The following BDH1 variants were observed in gnomAD, a reference collection of about 807,000 sequenced individuals.
BDH1 encodes D-beta-hydroxybutyrate dehydrogenase, mitochondrial.
A neutral mutation model predicts 33.1 loss-of-function variants in BDH1; 30 were observed. The ratio of observed to expected loss-of-function variants is 0.91; its 90% CI spans 0.68 to 1.23. The LOEUF (loss-of-function observed/expected upper bound fraction) is 1.23, where lower values mean the gene tolerates loss of function less well. Ranked by LOEUF, BDH1 falls within the 50% of genes most tolerant of loss-of-function variation. The pLI is 0.00. For missense variants in BDH1, 443 were observed against 464.4 expected (o/e 0.95, Z 0.42); for synonymous variants, 190 against 183.6 (o/e 1.03, Z -0.28).
chr3:197,533,235 C>CT (rs1553872772), intron 4 of BDH1, among the ~76,000 whole-genome samples: 1 of 152,118 alleles, frequency 6.6e-6, no homozygotes, highest in Non-Finnish European at 1.5e-5. Context: ...TTCTCGCCCC[C>CT]CACCTAGGCC....
chr3:197,514,532 C>T lies in BDH1; in HGVS notation c.410-116G>A. 1 of 1,241,114 alleles carries T rather than the reference C, an allele frequency of 8.1e-7. No homozygotes were observed. The highest frequency in any genetic ancestry group is 1.1e-6 in the Non-Finnish European group (1 of 902,200). The allele number at this position is 1,241,114 out of a possible 1,614,324, so 76.9% of individuals were successfully genotyped here. On this transcript the variant is annotated intron_variant, in intron 6 of 7. Transcript: ENST00000392379. The surrounding 1 kb of genome is among the most constrained non-coding windows in gnomAD (Gnocchi z 4.2). Reference sequence around the variant, plus strand: ...TTTCCTGTGACTTCCCAGCCTCTCGCCCAGTGCTCTCAAGAAACTTTCTAG... The same window carrying T: ...TTTCCTGTGACTTCCCAGCCTCTCGTCCAGTGCTCTCAAGAAACTTTCTAG...
chr3:197,553,135 C>T (rs1242469793), intron 2 of BDH1, among the ~76,000 whole-genome samples: 1 of 150,826 alleles, frequency 6.6e-6, no homozygotes, highest in African/African-American at 2.4e-5. Context: ...CCCGGCTGGT[C>T]TCAAACTCCT....
intron 1 of BDH1, among the ~76,000 whole-genome samples, chr3:197,566,664 G>C (rs1717444065): frequency 6.6e-6 from 1 of 152,144 alleles, no homozygotes; most frequent in South Asian, 2.1e-4. Flanking sequence ...AGTACAAACG[G>C]GAAACTGAAG....
chr3:197,513,824 A>AT (rs1712375974), intron 7 of BDH1, among the ~76,000 whole-genome samples: 1 of 152,178 alleles, frequency 6.6e-6, no homozygotes, highest in African/African-American at 2.4e-5. Flanking sequence ...GGTTTTCCAA[A>AT]TTTCTAATCT....
At position 197,539,722 on chromosome 3, in the gene BDH1, A is replaced by T. The variant is rs897207979; in HGVS notation, c.84-6161T>A. Among the ~76,000 whole-genome samples the T allele has an allele frequency of 6.6e-5, 10 of 151,980 alleles. No individual in the cohort carries two copies. The East Asian group carries it at 1.5e-3, about 23-fold the overall frequency. On this transcript the variant is annotated intron_variant, in intron 3 of 7. Transcript: ENST00000392379. Reference sequence around the variant, plus strand: ...TCATCTGCTCTTGTGGCCCCGACCCAGGAACTGACTCAGCGCAAGAAGACA... The same window carrying T: ...TCATCTGCTCTTGTGGCCCCGACCCTGGAACTGACTCAGCGCAAGAAGACA...
chr3:197,542,084 T>C (rs999869710), intron 3 of BDH1, among the ~76,000 whole-genome samples: 1 of 152,246 alleles, frequency 6.6e-6, no homozygotes, highest in Admixed American at 6.5e-5. Flanking sequence ...CGACCACAAT[T>C]GCTGAGTTTT....
chr3:197,510,915 C>G lies in BDH1; in HGVS notation c.*980G>C, dbSNP rs1378772933. The G allele has an allele frequency of 6.6e-6, 1 of 152,190 alleles. No individual in the cohort carries two copies. The highest frequency in any genetic ancestry group is 1.5e-5 in the Non-Finnish European group (1 of 68,108). 9.4% of individuals were successfully genotyped at this position (152,190 alleles called of 1,614,324 possible). A position where few individuals can be genotyped will look rare whatever the true frequency, so the allele number is the denominator to read the frequency against. On this transcript the variant is annotated 3_prime_UTR_variant, in exon 8 of 8. Transcript: ENST00000392379. The stretch of plus-strand genomic sequence containing the variant: ...AGCCAGAGAGCACCTCCACACAAGT[C>G]TATCCTGAGTCCTAAAAGAGGATGG...
Position 197,522,887 on chromosome 3 carries a change from C to T in BDH1, c.268-106G>A, listed in dbSNP as rs143445395. The T allele has an allele frequency of 6.9e-4, 967 of 1,401,312 alleles. 7 individuals are homozygous for T. The African/African-American group carries it at 0.013, about 18-fold the overall frequency. 86.8% of individuals were successfully genotyped at this position (1,401,312 alleles called of 1,614,324 possible). A position where few individuals can be genotyped will look rare whatever the true frequency, so the allele number is the denominator to read the frequency against. On this transcript the variant is annotated intron_variant, in intron 5 of 7. Coordinates refer to ENST00000392379, the MANE Select transcript of BDH1 (RefSeq NM_203314.3). The surrounding 1 kb of genome is among the most constrained non-coding windows in gnomAD (Gnocchi z 4.8). ...GCTGGCCTCAAGTCCCAGCCAAAGC[C>T]TCAGGCATACTGGCAACTGCCCATG...
intron 2 of BDH1, among the ~76,000 whole-genome samples, chr3:197,547,483 T>C (rs1377934373): frequency 3.9e-5 from 6 of 152,246 alleles, no homozygotes; most frequent in Non-Finnish European, 7.3e-5. Context: ...ACCACTGCCA[T>C]GCACTCTGCT....
At position 197,554,947 on chromosome 3, in the gene BDH1, C is replaced by T. The variant is rs567532640; in HGVS notation, c.-195-234G>A. Among the ~76,000 whole-genome samples, 11 of 152,256 alleles carry T rather than the reference C, an allele frequency of 7.2e-5. No homozygotes were observed. Among genetic ancestry groups the T allele is most frequent in the Non-Finnish European group, 1.5e-4 (10 of 68,046 alleles). ...CGGCGCAGCCAATCCCAGAGCAGCG[C>T]TCCCCAACGGCCGGCCGGAGGGCGG... On this transcript the variant is annotated intron_variant, in intron 1 of 7. Transcript: ENST00000392379. This position sits in a 1 kb window ranked among gnomAD's most constrained non-coding sequence, Gnocchi z 4.4.
At chr3:197,566,567 T>TA (rs71623365) in intron 1 of BDH1, among the ~76,000 whole-genome samples, 8,318 of 152,202 alleles carry the variant, frequency 0.055, 297 homozygotes, top group African/African-American at 0.083. Flanking sequence ...AAAGCCTATG[T>TA]AAAAAAATAA....
chr3:197,569,473 T>C (rs1258598016), intron 1 of BDH1, among the ~76,000 whole-genome samples: 1 of 152,200 alleles, frequency 6.6e-6, no homozygotes, highest in Non-Finnish European at 1.5e-5. Context: ...GCTGTGTCCC[T>C]ACCCAAATAT....
rs1216115382 is a variant in BDH1 at position 197,525,414 on chromosome 3, T to C, written c.268-2633A>G. Reference sequence around the variant, plus strand: ...TTCTCAGACCCCTATACAAGACCTCTCTGGTGCCCCTACACAGCATCACGA... The same window carrying C: ...TTCTCAGACCCCTATACAAGACCTCCCTGGTGCCCCTACACAGCATCACGA... On this transcript the variant is annotated intron_variant, in intron 5 of 7. Transcript: ENST00000392379. This position sits in a 1 kb window ranked among gnomAD's most constrained non-coding sequence, Gnocchi z 4.9. Among the ~76,000 whole-genome samples, 1 of 152,128 alleles carries C rather than the reference T, an allele frequency of 6.6e-6. No homozygotes were observed. The highest frequency in any genetic ancestry group is 1.5e-5 in the Non-Finnish European group (1 of 68,014).
chr3:197,528,852 G>C lies in BDH1; in HGVS notation c.267+3560C>G, dbSNP rs1276034382. The C allele has an allele frequency of 1.3e-5, 2 of 152,290 alleles. No homozygotes were observed. The highest frequency in any genetic ancestry group is 4.8e-5 in the African/African-American group (2 of 41,464). The allele number at this position is 152,290 out of a possible 1,614,324, so 9.4% of individuals were successfully genotyped here. On this transcript the variant is annotated intron_variant, in intron 5 of 7. Transcript: ENST00000392379. This position sits in a 1 kb window ranked among gnomAD's most constrained non-coding sequence, Gnocchi z 5.1. ...CCTTCCGGGGTTAGTGGTCAGTCTA[G>C]GACTAGAACCGAAGGCCCTTTTGAA...
In BDH1 at chr3:197,554,869, A is replaced by G. The variant is rs999762165; in HGVS notation, c.-195-156T>C. 6.6e-6 allele frequency among the ~76,000 whole-genome samples: 1 copy of G among 152,230 alleles called. No individual in the cohort carries two copies. Among genetic ancestry groups the G allele is most frequent in the Non-Finnish European group, 1.5e-5 (1 of 68,032 alleles). On this transcript the variant is annotated intron_variant, in intron 1 of 7. Coordinates refer to ENST00000392379, the MANE Select transcript of BDH1 (RefSeq NM_203314.3). The surrounding 1 kb of genome is among the most constrained non-coding windows in gnomAD (Gnocchi z 4.4). ...ACCGGAGCGCTCAAACCCACAGGGT[A>G]TCTATCAGGCGCGCGTCAGCACGTA...
chr3:197,515,892 GCACA>G (rs539632668), intron 6 of BDH1: 7 of 152,290 alleles, frequency 4.6e-5, no homozygotes, highest in South Asian at 2.1e-4. Flanking sequence ...GACAGAGCAC[GCACA>G]CACACACACA....
intron 5 of BDH1, 123 bp downstream of exon 5, chr3:197,532,289 T>C: frequency 1.4e-6 from 1 of 728,942 alleles, no homozygotes; most frequent in Non-Finnish European, 2.4e-6. Context: ...CTGAAGCCGA[T>C]GGAAAATGGA....
intron 3 of BDH1, among the ~76,000 whole-genome samples, chr3:197,539,396 T>C (rs1237737715): frequency 6.6e-6 from 1 of 152,198 alleles, no homozygotes; most frequent in Non-Finnish European, 1.5e-5. Flanking sequence ...CACCTCAGCC[T>C]CCCAAAGTGC....
intron 3 of BDH1, among the ~76,000 whole-genome samples, chr3:197,539,304 TAA>T (rs1354522169): frequency 2.0e-5 from 3 of 152,128 alleles, no homozygotes; most frequent in African/African-American, 7.2e-5. Context: ...CACGCCTGGC[TAA>T]GTTTTGTATT....
Sources: allele counts gnomAD v4.1 joint callset (sites outside exome capture counted in the v4.1 genomes callset), GRCh38; gene constraint gnomAD v4.1.1; non-coding constraint Gnocchi (gnomAD v3.1); transcripts MANE v1.5; gene names NCBI Gene and HGNC (gene_info 2026-07-23, HGNC 2026-07-21).